Variants in PPIL2 observed in about 807,000 individuals in gnomAD.
The protein encoded by PPIL2 is peptidylprolyl isomerase like 2.
In PPIL2, 50 loss-of-function variants were observed where a neutral mutation model predicts 75.2. The observed-to-expected ratio is 0.66, with a 90% CI of 0.53 to 0.84. The LOEUF (loss-of-function observed/expected upper bound fraction) is 0.84, where lower values mean the gene tolerates loss of function less well. Ranked by LOEUF, PPIL2 falls within the 40% of genes least tolerant of loss-of-function variation. The pLI is 0.00. For synonymous variants in PPIL2, 245 were observed against 258.8 expected (o/e 0.95, Z 0.51); for missense variants, 590 against 685.0 (o/e 0.86, Z 1.55).
At chr22:21,682,387 G>A in intron 7 of PPIL2, 50 bp from the exon 8 acceptor site, 1 of 1,521,350 alleles carries the variant, frequency 6.6e-7, no homozygotes, top group East Asian at 2.3e-5. Context: ...GCAGTCCCCT[G>A]TGCCAAGGCT....
intron 1 of PPIL2, among the ~76,000 whole-genome samples, chr22:21,668,861 G>A (rs1241079120): frequency 7.3e-5 from 11 of 150,738 alleles, no homozygotes; most frequent in Non-Finnish European, 8.9e-5. Context: ...ACAGGCGCCT[G>A]CCACCACGCC....
Position 21,691,406 on chromosome 22 carries a change from C to T in PPIL2, c.1140-2410C>T, listed in dbSNP as rs544969340. Among the ~76,000 whole-genome samples the T allele has an allele frequency of 3.7e-4, 56 of 152,202 alleles. No homozygotes were observed. In the South Asian group the frequency reaches 0.01, roughly 28 times the overall value. ...AAAGATTTTCCAGGAGGAGGCCAGGCGCGGTGGCTCATGCCTATAATCCCA... is the reference window on the plus strand; with the variant it reads ...AAAGATTTTCCAGGAGGAGGCCAGGTGCGGTGGCTCATGCCTATAATCCCA... On this transcript the variant is annotated intron_variant, in intron 15 of 19. Transcript: ENST00000398831.
chr22:21,684,651 A>G, intron 9 of PPIL2, 102 bp from the exon 10 acceptor site: 1 of 1,436,698 alleles, frequency 7.0e-7, no homozygotes, highest in African/African-American at 1.4e-5. Flanking sequence ...TGCCTGCGCC[A>G]TGGCTGGACG....
intron 8 of PPIL2, 55 bp from the exon 9 acceptor site, chr22:21,683,127 T>C: frequency 1.4e-6 from 2 of 1,455,122 alleles, no homozygotes; most frequent in South Asian, 1.1e-5. Flanking sequence ...TGCATGTGGC[T>C]GCCATTTGGC....
At chr22:21,682,065 G>T (rs902273507) in intron 7 of PPIL2, among the ~76,000 whole-genome samples, 2 of 152,262 alleles carry the variant, frequency 1.3e-5, no homozygotes, top group Non-Finnish European at 2.9e-5. Context: ...CCGCAGGAGT[G>T]CAGGCATCTT....
At chr22:21,695,230 G>A (rs1224263690) in intron 19 of PPIL2, 160 bp downstream of exon 19, 15 of 1,330,122 alleles carry the variant, frequency 1.1e-5, no homozygotes, top group Admixed American at 2.6e-5. Flanking sequence ...GCCTCTGAAG[G>A]CCTGGCCGGG....
intron 11 of PPIL2, 55 bp from the exon 12 acceptor site, chr22:21,686,837 T>C: frequency 6.5e-7 from 1 of 1,538,652 alleles, no homozygotes; most frequent in Non-Finnish European, 9.0e-7. Context: ...CTGCCTGGCA[T>C]GGTGGGGCTG....
chr22:21,688,997 C>G (rs905325846), intron 15 of PPIL2, 148 bp downstream of exon 15: 2 of 756,168 alleles, frequency 2.6e-6, no homozygotes, highest in Admixed American at 5.1e-5. Context: ...TGTGCACCTG[C>G]GTTCAAAAGG....
chr22:21,671,019 T>C lies in PPIL2; in HGVS notation c.151T>C (p.Tyr51His), dbSNP rs2066611272. 3 of 1,613,188 alleles carry C rather than the reference T, an allele frequency of 1.9e-6. No individual in the cohort carries two copies. Among genetic ancestry groups the C allele is most frequent in the Non-Finnish European group, 1.7e-6 (2 of 1,179,186 alleles). The part of the protein sequence containing the change: ...HCSLSLQPFV[Y>H]PVCTPDGIVF... ...CAGTCTCTCTCTGCAGCCCTTTGTC[T>C]ACCCAGTCTGCACTCCCGATGGCAT... Residue 51 changes from tyrosine to histidine, a missense_variant, in exon 4 of 20, where the codon TAC becomes CAC. Transcript: ENST00000398831.
At chr22:21,687,800 C>A in intron 13 of PPIL2, 68 bp downstream of exon 13, 2 of 1,469,880 alleles carry the variant, frequency 1.4e-6, no homozygotes, top group South Asian at 1.2e-5. Flanking sequence ...GTGGGCTTGT[C>A]CCTGCCCCAT....
chr22:21,683,866 A>AC (rs1184684261), intron 9 of PPIL2, among the ~76,000 whole-genome samples: 1 of 152,118 alleles, frequency 6.6e-6, no homozygotes, highest in Non-Finnish European at 1.5e-5. Flanking sequence ...ATCTGGAAAG[A>AC]CCCCCAAACA....
chr22:21,696,171 T>C lies in PPIL2; in HGVS notation c.*681T>C. On this transcript the variant is annotated 3_prime_UTR_variant, in exon 20 of 20. Coordinates refer to ENST00000398831, the MANE Select transcript of PPIL2 (RefSeq NM_014337.4). ...GTTTTGACAAAACTTCAGGGGCTTC[T>C]GAAGGCTGGTGTTGGACGGCAGCAT... 1 of 999,602 alleles carries C rather than the reference T, an allele frequency of 1.0e-6. No homozygotes were observed. The highest frequency in any genetic ancestry group is 1.2e-6 in the Non-Finnish European group (1 of 837,676). 61.9% of individuals were successfully genotyped at this position (999,602 alleles called of 1,614,324 possible).
chr22:21,680,223 C>G (rs1362601361), intron 6 of PPIL2, among the ~76,000 whole-genome samples: 1 of 151,540 alleles, frequency 6.6e-6, no homozygotes, highest in Non-Finnish European at 1.5e-5. Context: ...TGGGGACTTA[C>G]AGGCAGAGAG....
At chr22:21,694,178 C>T (rs1006975516) in intron 16 of PPIL2, among the ~76,000 whole-genome samples, 1 of 152,230 alleles carries the variant, frequency 6.6e-6, no homozygotes, top group Non-Finnish European at 1.5e-5. Context: ...CCTTCACCCT[C>T]TAGTCCAGGG....
chr22:21,672,264 C>A, intron 4 of PPIL2, 66 bp from the exon 5 acceptor site: 1 of 1,424,116 alleles, frequency 7.0e-7, no homozygotes, highest in Non-Finnish European at 9.9e-7. Flanking sequence ...CCTGCAAGAC[C>A]ACAGTGTTGT....
rs1365844941 is a variant in PPIL2 at position 21,666,095 on chromosome 22, C to G, written c.-5C>G. 2.5e-6 allele frequency: 4 copies of G among 1,613,364 alleles called. No individual in the cohort carries two copies. Among genetic ancestry groups the G allele is most frequent in the South Asian group, 1.1e-5 (1 of 91,002 alleles). ...GTGCTCGCTAGTCGCCGCCGCCGCT[C>G]CGCCATGGGGAAGCGACAGCACCAA... On this transcript the variant is annotated 5_prime_UTR_variant, in exon 1 of 20. Coordinates refer to ENST00000398831, the MANE Select transcript of PPIL2 (RefSeq NM_014337.4).
chr22:21,696,521 C>T lies in PPIL2; in HGVS notation c.*1031C>T. 1 of 1,314,900 alleles carries T rather than the reference C, an allele frequency of 7.6e-7. No homozygotes were observed. The highest frequency in any genetic ancestry group is 9.8e-7 in the Non-Finnish European group (1 of 1,025,054). The allele number at this position is 1,314,900 out of a possible 1,614,324, so 81.5% of individuals were successfully genotyped here. ...CTTAAAGAAAGACCCCTCCCTCAAC[C>T]CCCATTTTTCTGTTAAATGTGCCCC... On this transcript the variant is annotated 3_prime_UTR_variant, in exon 20 of 20. Coordinates refer to ENST00000398831, the MANE Select transcript of PPIL2 (RefSeq NM_014337.4).
At chr22:21,679,986 A>T (rs2067040830) in intron 6 of PPIL2, among the ~76,000 whole-genome samples, 1 of 151,692 alleles carries the variant, frequency 6.6e-6, no homozygotes, top group Admixed American at 6.6e-5. Context: ...GCTACTCAGG[A>T]GGCTGAGGCA....
At chr22:21,688,275 C>T (rs1027886976) in intron 14 of PPIL2, among the ~76,000 whole-genome samples, 169 bp downstream of exon 14, 1 of 152,200 alleles carries the variant, frequency 6.6e-6, no homozygotes, top group African/African-American at 2.4e-5. Flanking sequence ...CCTCAGTTTT[C>T]TCATTTCCAG....
Sources: allele counts gnomAD v4.1 joint callset (sites outside exome capture counted in the v4.1 genomes callset), GRCh38; gene constraint gnomAD v4.1.1; transcripts MANE v1.5; gene names NCBI Gene and HGNC (gene_info 2026-07-23, HGNC 2026-07-21).